Variants in ADAM32 observed in about 807,000 individuals in gnomAD.
ADAM32 encodes the protein disintegrin and metalloproteinase domain-containing protein 32.
Under a neutral mutation model 114.9 loss-of-function variants are expected in ADAM32, and 89 were observed. The observed-to-expected ratio is 0.77, with a 90% CI of 0.65 to 0.92. The LOEUF is 0.92. Among genes scored for constraint, ADAM32 ranks in the 40% least tolerant of loss-of-function variants. ADAM32 has a pLI of 0.00. For missense variants in ADAM32, 870 were observed against 932.8 expected (o/e 0.93, Z 0.88); for synonymous variants, 285 against 307.5 (o/e 0.93, Z 0.77).
chr8:39,254,672 T>C (rs1297856367), intron 18 of ADAM32, among the ~76,000 whole-genome samples, 156 bp downstream of exon 18: 3 of 151,780 alleles, frequency 2.0e-5, no homozygotes, highest in African/African-American at 7.2e-5. Context: ...AAACATGCCA[T>C]CTTAATCTTG....
chr8:39,222,967 A>G, intron 13 of ADAM32, 73 bp from the exon 14 acceptor site: 2 of 1,308,778 alleles, frequency 1.5e-6, no homozygotes, highest in Middle Eastern at 1.9e-4. Context: ...GATTAACACA[A>G]TTTTGAAGTA....
intron 4 of ADAM32, 110 bp from the exon 5 acceptor site, chr8:39,149,681 C>A: frequency 1.3e-6 from 1 of 758,844 alleles, no homozygotes; most frequent in Non-Finnish European, 2.1e-6. Flanking sequence ...TGATATAAAT[C>A]ACGGAGCCTG....
At chr8:39,126,324 C>T (rs1428374056) in intron 2 of ADAM32, among the ~76,000 whole-genome samples, 2 of 151,978 alleles carry the variant, frequency 1.3e-5, no homozygotes, top group Non-Finnish European at 2.9e-5. Flanking sequence ...AATGTTTTTC[C>T]AGTTGTTTGT....
intron 1 of ADAM32, 93 bp downstream of exon 1, chr8:39,107,926 C>T: frequency 7.1e-7 from 1 of 1,412,504 alleles, no homozygotes; most frequent in Non-Finnish European, 9.3e-7. Context: ...GTCTGGGTCC[C>T]TTTGGTCCTG....
intron 6 of ADAM32, among the ~76,000 whole-genome samples, chr8:39,154,210 C>T (rs1478947776): frequency 6.6e-6 from 1 of 151,804 alleles, no homozygotes; most frequent in African/African-American, 2.4e-5. Context: ...CCCCGACAGG[C>T]CCCAGTGTGT....
intron 16 of ADAM32, among the ~76,000 whole-genome samples, chr8:39,241,514 G>A (rs1810551035): frequency 6.6e-6 from 1 of 152,246 alleles, no homozygotes; most frequent in East Asian, 1.9e-4. Context: ...AATCTAGGCA[G>A]AGGTTCCCAA....
chr8:39,157,577 T>C, intron 6 of ADAM32: 1 of 535,444 alleles, frequency 1.9e-6, no homozygotes. Context: ...CTTTCTTGAG[T>C]GGTCCCATGA....
chr8:39,129,954 C>A, intron 2 of ADAM32: 1 of 222,514 alleles, frequency 4.5e-6, no homozygotes, highest in South Asian at 4.0e-5. Flanking sequence ...CATCACATTT[C>A]CTTTTTTTTT....
chr8:39,169,744 G>A lies in ADAM32; in HGVS notation c.834-172G>A, dbSNP rs145084112. 3.0e-3 allele frequency: 1,506 copies of A among 497,834 alleles called. 3 individuals carry two copies. Among genetic ancestry groups the A allele is most frequent in the South Asian group, 5.1e-3 (135 of 26,418 alleles). The allele number at this position is 497,834 out of a possible 1,614,324, so 30.8% of individuals were successfully genotyped here. A position where few individuals can be genotyped will look rare whatever the true frequency, so the allele number is the denominator to read the frequency against. On this transcript the variant is annotated intron_variant, in intron 9 of 24. Transcript: ENST00000379907. ...TGTTTAATCTAATTAATACTAATAT[G>A]TCATATTAAATAATATTCCAAATTT...
chr8:39,283,597 A>G lies in ADAM32; in HGVS notation c.2330A>G (p.Gln777Arg). The G allele has an allele frequency of 6.2e-7, 1 of 1,602,194 alleles. No homozygotes were observed. The highest frequency in any genetic ancestry group is 8.5e-7 in the Non-Finnish European group (1 of 1,172,038). Residue 777 changes from glutamine to arginine, a missense_variant, in exon 24 of 25, where the codon CAG becomes CGG. Coordinates refer to ENST00000379907, the MANE Select transcript of ADAM32 (RefSeq NM_145004.7). ...CCTTATTTCCTTAGATCCAAATCAC[A>G]GGACAGTACCCAAACACAAAGCAGT... ...AEAYTSRSKSQDSTQTQSSSN is the reference protein window; with the variant it reads ...AEAYTSRSKSRDSTQTQSSSN
At chr8:39,200,993 T>C (rs1310538491) in intron 11 of ADAM32, among the ~76,000 whole-genome samples, 1 of 152,224 alleles carries the variant, frequency 6.6e-6, no homozygotes, top group Non-Finnish European at 1.5e-5. Context: ...ATCTCTGTTT[T>C]GGTACCAGTA....
intron 14 of ADAM32, 38 bp from the exon 15 acceptor site, chr8:39,231,989 T>A: frequency 6.7e-7 from 1 of 1,484,894 alleles, no homozygotes; most frequent in Non-Finnish European, 9.4e-7. Context: ...GAAAAACCAA[T>A]AAACATTTTA....
intron 16 of ADAM32, among the ~76,000 whole-genome samples, chr8:39,234,822 G>T (rs1810000672): frequency 6.6e-6 from 1 of 152,202 alleles, no homozygotes; most frequent in South Asian, 2.1e-4. Context: ...CATCCAAATA[G>T]CTCAAGCCAG....
chr8:39,167,375 G>T (rs1267771207), intron 9 of ADAM32: 3 of 152,092 alleles, frequency 2.0e-5, no homozygotes, highest in Admixed American at 2.0e-4. Flanking sequence ...TTATTTCTGG[G>T]TTCTCTATTC....
At chr8:39,189,193 G>A (rs1806442144) in intron 11 of ADAM32, among the ~76,000 whole-genome samples, 1 of 152,088 alleles carries the variant, frequency 6.6e-6, no homozygotes, top group African/African-American at 2.4e-5. Context: ...TTATGCAGAT[G>A]AAAATACTAA....
chr8:39,142,108 T>A (rs1803198247), intron 3 of ADAM32, among the ~76,000 whole-genome samples: 1 of 151,824 alleles, frequency 6.6e-6, no homozygotes, highest in South Asian at 2.1e-4. Context: ...GCACGTGAGA[T>A]GGATTTCCTG....
chr8:39,107,641 C>T (rs992924278), upstream of ADAM32: 5 of 1,493,318 alleles, frequency 3.3e-6, no homozygotes, highest in East Asian at 5.1e-5. Context: ...ACCGAGAGCA[C>T]CCCGTCTCCG....
At chr8:39,215,554 G>T (rs1366973737) in intron 12 of ADAM32, among the ~76,000 whole-genome samples, 1 of 151,786 alleles carries the variant, frequency 6.6e-6, no homozygotes, top group Non-Finnish European at 1.5e-5. Flanking sequence ...GTACTGTTTT[G>T]CTCTATCCCA....
intron 6 of ADAM32, among the ~76,000 whole-genome samples, chr8:39,156,044 ATTGTATAGTAATACAATAGC>A (rs896609775): frequency 2.0e-5 from 3 of 152,204 alleles, no homozygotes; most frequent in African/African-American, 7.2e-5. Flanking sequence ...TGTACAAGCT[ATTGTATAGTAATACAATAGC>A]TTAATAATTA....
Sources: gnomAD v4.1 joint callset for allele counts (sites outside exome capture counted in the v4.1 genomes callset) on GRCh38, gnomAD v4.1.1 for gene constraint, MANE v1.5 for transcripts, NCBI Gene and HGNC (gene_info 2026-07-23, HGNC 2026-07-21) for gene names.